The following TENM3 variants were observed in gnomAD, a reference collection of about 807,000 sequenced individuals.
TENM3 encodes teneurin transmembrane protein 3.
A neutral mutation model predicts 255.1 loss-of-function variants in TENM3; 63 were observed. That is an observed-to-expected ratio of 0.25 (90% CI 0.20 to 0.30). The LOEUF (loss-of-function observed/expected upper bound fraction) is 0.30. Among genes scored for constraint, TENM3 ranks in the 10% least tolerant of loss-of-function variants. The pLI is 1.00. For missense variants in TENM3, 2,929 were observed against 3,461.1 expected, an observed-to-expected ratio of 0.85 and a Z score of 3.86; for synonymous variants, 1,306 against 1,322.3, an observed-to-expected ratio of 0.99 and a Z score of 0.27.
intron 2 of TENM3, among the ~76,000 whole-genome samples, chr4:182,326,938 T>C (rs1410020329): frequency 6.6e-6 from 1 of 152,196 alleles, no homozygotes; most frequent in African/African-American, 2.4e-5. Flanking sequence ...GATATGATTC[T>C]GTAATTGGGT....
chr4:182,674,938 A>G (rs527908825), intron 7 of TENM3, among the ~76,000 whole-genome samples: 1 of 151,762 alleles, frequency 6.6e-6, no homozygotes, highest in Non-Finnish European at 1.5e-5. Flanking sequence ...GTGCGATGGC[A>G]TGATCTCGGC....
At chr4:182,259,899 C>G (rs1156735353) in intron 1 of TENM3, among the ~76,000 whole-genome samples, 1 of 152,110 alleles carries the variant, frequency 6.6e-6, no homozygotes, top group Non-Finnish European at 1.5e-5. Context: ...TTATCATCCT[C>G]TCTTCATCTT....
At chr4:181,649,218 TTC>T in the TENM3 span, among the ~76,000 whole-genome samples, 1 of 152,310 alleles carries the variant, frequency 6.6e-6, no homozygotes, top group African/African-American at 2.4e-5. Context: ...GAAAATAGTT[TTC>T]ATTGGCTCCC....
the TENM3 span, among the ~76,000 whole-genome samples, chr4:181,686,839 C>T: frequency 6.6e-6 from 1 of 152,088 alleles, no homozygotes; most frequent in South Asian, 2.1e-4. Flanking sequence ...CATCGATGAA[C>T]TATAGCTTGG....
the TENM3 span, among the ~76,000 whole-genome samples, chr4:182,130,530 G>A: frequency 6.6e-6 from 1 of 152,114 alleles, no homozygotes; most frequent in African/African-American, 2.4e-5. Flanking sequence ...GGCCACTTTT[G>A]GAGGTGTCTA....
the TENM3 span, among the ~76,000 whole-genome samples, chr4:181,902,134 C>T: frequency 2.4e-4 from 35 of 148,802 alleles, no homozygotes; most frequent in Non-Finnish European, 4.3e-4. Context: ...CACACACACA[C>T]ACACACTTAT....
At chr4:181,786,733 A>G in the TENM3 span, among the ~76,000 whole-genome samples, 1 of 149,754 alleles carries the variant, frequency 6.7e-6, no homozygotes, top group Non-Finnish European at 1.5e-5. Flanking sequence ...AGCTTTCATG[A>G]TCAGATAGGA....
At chr4:181,847,273 G>T in the TENM3 span, among the ~76,000 whole-genome samples, 2 of 152,160 alleles carry the variant, frequency 1.3e-5, no homozygotes, top group African/African-American at 4.8e-5. Context: ...ATTTTCACTG[G>T]TTAAATTTGG....
the TENM3 span, among the ~76,000 whole-genome samples, chr4:182,005,007 A>G: frequency 6.6e-6 from 1 of 152,100 alleles, no homozygotes; most frequent in African/African-American, 2.4e-5. Context: ...ATTTTCTCCC[A>G]TTCTGTAGGT....
At position 182,678,611 on chromosome 4, in the gene TENM3, AG is replaced by A. The variant is rs569883379; in HGVS notation, c.1327-1054del. Among the ~76,000 whole-genome samples the A allele has an allele frequency of 2.1e-4, 32 of 152,332 alleles. 1 individual carries two copies. In the South Asian group the frequency reaches 3.5e-3, roughly 17 times the overall value. On this transcript the variant is annotated intron_variant, in intron 7 of 27. Transcript: ENST00000511685. ...TTCACAAGCCAACCCCACCATTACC[AG>A]ATGTCTGAGAGCCTGCTACCCTCCT...
intron 3 of TENM3, among the ~76,000 whole-genome samples, chr4:182,543,340 G>A (rs1171261224): frequency 6.6e-6 from 1 of 152,182 alleles, no homozygotes; most frequent in Non-Finnish European, 1.5e-5. Context: ...GGAGAAAGAA[G>A]AAAGGTTCTA....
At position 182,799,533 on chromosome 4, in the gene TENM3, G is replaced by C; in HGVS notation, c.7345-63G>C. On this transcript the variant is annotated intron_variant, in intron 27 of 27. Coordinates refer to ENST00000511685, the MANE Select transcript of TENM3 (RefSeq NM_001080477.4). The surrounding 1 kb of genome is among the most constrained non-coding windows in gnomAD (Gnocchi z 4.2). ...GCGCTGCCCCCAGAGTCCCGTGTGT[G>C]GGTCAGGAGTGGGGAGGCTCCCGGC... The C allele has an allele frequency of 6.6e-7, 1 of 1,505,298 alleles. No individual in the cohort carries two copies. 93.2% of individuals were successfully genotyped at this position (1,505,298 alleles called of 1,614,324 possible).
At chr4:182,309,748 G>C (rs549697603) in intron 1 of TENM3, among the ~76,000 whole-genome samples, 3 of 152,088 alleles carry the variant, frequency 2.0e-5, no homozygotes, top group Non-Finnish European at 4.4e-5. Context: ...GCTCTCAACC[G>C]TATAGACTGG....
chr4:182,134,957 C>T, the TENM3 span, among the ~76,000 whole-genome samples: 3 of 151,926 alleles, frequency 2.0e-5, no homozygotes, highest in Admixed American at 1.3e-4. Flanking sequence ...CCTATAATCC[C>T]AGCACTTTGG....
At chr4:182,515,887 C>G (rs1737886792) in intron 3 of TENM3, among the ~76,000 whole-genome samples, 1 of 152,156 alleles carries the variant, frequency 6.6e-6, no homozygotes, top group Non-Finnish European at 1.5e-5. Context: ...ATTAGAAAAC[C>G]TTGTGATTCC....
intron 3 of TENM3, among the ~76,000 whole-genome samples, chr4:182,567,025 C>A (rs1315187274): frequency 6.6e-6 from 1 of 151,740 alleles, no homozygotes; most frequent in African/African-American, 2.4e-5. Context: ...CTACATACTG[C>A]AAAGGATATG....
chr4:182,603,784 T>TATATATATATATATATATATATATATGG (rs58332965), intron 4 of TENM3, among the ~76,000 whole-genome samples: 1 of 134,164 alleles, frequency 7.5e-6, no homozygotes, highest in Admixed American at 7.6e-5. Flanking sequence ...TATATATATA[T>TATATATATATATATATATATATATATGG]ACACACACAC....
At position 182,789,039 on chromosome 4, in the gene TENM3, C is replaced by T; in HGVS notation, c.5305-54C>T. The stretch of plus-strand genomic sequence containing the variant: ...AATGGTGTTTAAACAATACTGGGGA[C>T]TCCGGTGTTGGAATAACATGATTTA... On this transcript the variant is annotated intron_variant, in intron 24 of 27. Transcript: ENST00000511685. The surrounding 1 kb of genome is among the most constrained non-coding windows in gnomAD (Gnocchi z 4.4). 5.5e-6 allele frequency: 8 copies of T among 1,459,564 alleles called. No homozygotes were observed. The South Asian group carries it at 8.0e-5, about 15-fold the overall frequency. The allele number at this position is 1,459,564 out of a possible 1,614,324, so 90.4% of individuals were successfully genotyped here. A position where few individuals can be genotyped will look rare whatever the true frequency, so the allele number is the denominator to read the frequency against.
At chr4:182,474,215 A>G (rs1166213981) in intron 3 of TENM3, among the ~76,000 whole-genome samples, 2 of 152,178 alleles carry the variant, frequency 1.3e-5, no homozygotes, top group Non-Finnish European at 2.9e-5. Flanking sequence ...TTTTACTCAC[A>G]GGATTATAGA....
Sources: allele counts gnomAD v4.1 joint callset (sites outside exome capture counted in the v4.1 genomes callset), GRCh38; gene constraint gnomAD v4.1.1; non-coding constraint Gnocchi (gnomAD v3.1); transcripts MANE v1.5; gene names NCBI Gene and HGNC (gene_info 2026-07-23, HGNC 2026-07-21).